The following COBLL1 variants were observed in gnomAD, a reference collection of about 807,000 sequenced individuals.
COBLL1 encodes cordon-bleu protein-like 1.
COBLL1 carries 50 observed loss-of-function variants against 94.8 expected under a neutral mutation model. That is an observed-to-expected ratio of 0.53 (90% confidence interval 0.42 to 0.67). The LOEUF (loss-of-function observed/expected upper bound fraction) is 0.67, where lower values mean the gene tolerates loss of function less well. Among genes scored for constraint, COBLL1 ranks in the 30% least tolerant of loss-of-function variants. The pLI is 0.00. For missense variants in COBLL1, 1,362 were observed against 1,348.7 expected, an observed-to-expected ratio of 1.01 and a Z score of -0.15; for synonymous variants, 448 against 473.8, an observed-to-expected ratio of 0.95 and a Z score of 0.71.
At chr2:164,739,626 T>A (rs2061005) in intron 3 of COBLL1, among the ~76,000 whole-genome samples, 1 of 152,322 alleles carries the variant, frequency 6.6e-6, no homozygotes, top group South Asian at 2.1e-4. Flanking sequence ...AAAAACTGCA[T>A]TGAAGTCTTT....
chr2:164,679,519 T>A (rs1682949352), downstream of COBLL1, among the ~76,000 whole-genome samples: 1 of 152,020 alleles, frequency 6.6e-6, no homozygotes, highest in South Asian at 2.1e-4. Context: ...GGCCATGGTA[T>A]CAAATATGTC....
chr2:164,714,420 G>C (rs1038045775), intron 7 of COBLL1, among the ~76,000 whole-genome samples: 3 of 151,574 alleles, frequency 2.0e-5, no homozygotes, highest in Non-Finnish European at 4.4e-5. Flanking sequence ...GCAGAGCTCA[G>C]GATCAAGTTT....
At chr2:164,669,063 C>A (rs537174217) in intron 1 of COBLL1, among the ~76,000 whole-genome samples, 1 of 152,286 alleles carries the variant, frequency 6.6e-6, no homozygotes, top group Non-Finnish European at 1.5e-5. Context: ...GTTTTCCCCC[C>A]AAAAGTTGAC....
chr2:164,815,819 G>A (rs181949532), intron 2 of COBLL1, among the ~76,000 whole-genome samples: 2 of 152,116 alleles, frequency 1.3e-5, no homozygotes, highest in African/African-American at 2.4e-5. Context: ...TACCTGACAC[G>A]CACAAGAGAA....
chr2:164,720,685 A>C (rs1685399917), intron 7 of COBLL1, among the ~76,000 whole-genome samples: 1 of 152,168 alleles, frequency 6.6e-6, no homozygotes, highest in African/African-American at 2.4e-5. Flanking sequence ...TACCATGCTT[A>C]ATTTCAGTCT....
intron 2 of COBLL1, among the ~76,000 whole-genome samples, chr2:164,658,039 C>T (rs1240665315): frequency 6.6e-6 from 1 of 152,112 alleles, no homozygotes; most frequent in East Asian, 1.9e-4. Context: ...TTGTCCCTCC[C>T]GCTGTGCTCT....
intron 8 of COBLL1, 35 bp downstream of exon 8, chr2:164,704,917 A>G: frequency 6.6e-7 from 1 of 1,518,198 alleles, no homozygotes; most frequent in South Asian, 1.4e-5. Flanking sequence ...ACAAAACACA[A>G]TACAAATGTA....
intron 2 of COBLL1, among the ~76,000 whole-genome samples, chr2:164,660,991 T>C (rs1489939010): frequency 6.6e-6 from 1 of 152,188 alleles, no homozygotes; most frequent in Non-Finnish European, 1.5e-5. Flanking sequence ...AAAACATTTA[T>C]GTCTCAGCTT....
chr2:164,834,998 C>T (rs184433172), intron 2 of COBLL1, among the ~76,000 whole-genome samples: 1 of 151,914 alleles, frequency 6.6e-6, no homozygotes, highest in East Asian at 1.9e-4. Context: ...ATAACATAAA[C>T]GTTGGTGAAG....
At chr2:164,819,484 C>T (rs2105358337) in intron 2 of COBLL1, among the ~76,000 whole-genome samples, 1 of 152,174 alleles carries the variant, frequency 6.6e-6, no homozygotes, top group African/African-American at 2.4e-5. Flanking sequence ...CAGATATTTA[C>T]TCTGATCATA....
In COBLL1 at chr2:164,695,178, A is replaced by G. The variant is rs1370795391; in HGVS notation, c.2214T>C (p.Pro738=). 1.2e-6 allele frequency: 2 copies of G among 1,613,724 alleles called. No individual in the cohort carries two copies. Among genetic ancestry groups the G allele is most frequent in the East Asian group, 2.2e-5 (1 of 44,882 alleles). The stretch of plus-strand genomic sequence containing the variant: ...CTTTCGATATTTCCAAGGATTTGGG[A>G]GGCACTATTTTATAAGTAGTCATGC... ...KIGMTTYKIV[P]PKSLEISKDW... Residue 738 remains proline, a synonymous_variant, in exon 12 of 14, where the codon CCT becomes CCC. Transcript: ENST00000652658.
chr2:164,742,165 T>C (rs932871708), intron 3 of COBLL1, among the ~76,000 whole-genome samples: 4 of 151,950 alleles, frequency 2.6e-5, no homozygotes, highest in African/African-American at 9.7e-5. Flanking sequence ...ACGCTTCTGA[T>C]ATTAAAGTCA....
rs1226826026 is a variant in COBLL1 at position 164,818,717 on chromosome 2, ATATATATATGTACTTATGTAAACATATAG to A, written c.41+22410_41+22438del. On this transcript the variant is annotated intron_variant, in intron 2 of 13. Coordinates refer to ENST00000652658, the MANE Select transcript of COBLL1 (RefSeq NM_001365672.2). ...ATGTACTTATGTAAACATATATAGTATATATATATGTACTTATGTAAACATATAGTATATATATGTACTTATGTAAACAT... is the reference window on the plus strand; with the variant it reads ...ATGTACTTATGTAAACATATATAGTATATATATATGTACTTATGTAAACAT... Among the ~76,000 whole-genome samples, 16 of 80,090 alleles carry A rather than the reference ATATATATATGTACTTATGTAAACATATAG, an allele frequency of 2.0e-4. No homozygotes were observed. The South Asian group carries it at 4.3e-3, about 21-fold the overall frequency. The allele number at this position is 80,090 out of a possible 152,430, so 52.5% of individuals were successfully genotyped here.
chr2:164,806,433 AG>A (rs1684159277), intron 2 of COBLL1, among the ~76,000 whole-genome samples: 1 of 152,220 alleles, frequency 6.6e-6, no homozygotes. Flanking sequence ...CCATACTTAG[AG>A]GATGGCTTCT....
At chr2:164,700,439 T>A (rs1684189401) in intron 10 of COBLL1, 83 bp downstream of exon 10, 2 of 840,946 alleles carry the variant, frequency 2.4e-6, no homozygotes, top group East Asian at 5.1e-5. Flanking sequence ...TATATTTATG[T>A]TTAAAATATC....
chr2:164,829,779 A>G (rs1330181450), intron 2 of COBLL1, among the ~76,000 whole-genome samples: 2 of 152,186 alleles, frequency 1.3e-5, no homozygotes, highest in African/African-American at 4.8e-5. Context: ...GAGATAGCCA[A>G]TTATAGAGCT....
intron 2 of COBLL1, among the ~76,000 whole-genome samples, chr2:164,835,913 G>C (rs1309567006): frequency 2.0e-5 from 3 of 152,106 alleles, no homozygotes; most frequent in Non-Finnish European, 2.9e-5. Flanking sequence ...AGAAAAATAT[G>C]TTTTATATAA....
chr2:164,687,596 T>G, intron 13 of COBLL1: 1 of 1,154,664 alleles, frequency 8.7e-7, no homozygotes, highest in East Asian at 2.4e-5. Flanking sequence ...GTTTGAAGCC[T>G]ACATTGGGGT....
downstream of COBLL1, among the ~76,000 whole-genome samples, chr2:164,675,427 C>T (rs1691319612): frequency 6.6e-6 from 1 of 152,110 alleles, no homozygotes; most frequent in African/African-American, 2.4e-5. Flanking sequence ...AGGCTTGAGG[C>T]ACAGATTTTA....
Sources: gnomAD v4.1 joint callset for allele counts (sites outside exome capture counted in the v4.1 genomes callset) on GRCh38, gnomAD v4.1.1 for gene constraint, MANE v1.5 for transcripts, NCBI Gene and HGNC (gene_info 2026-07-23, HGNC 2026-07-21) for gene names.